The following CPEB3 variants were observed in gnomAD, a reference collection of about 807,000 sequenced individuals.
CPEB3 encodes cytoplasmic polyadenylation element-binding protein 3.
Under a neutral mutation model 67.2 loss-of-function variants are expected in CPEB3, and 20 were observed. The observed-to-expected ratio is 0.30, with a 90% confidence interval of 0.21 to 0.43. CPEB3 has a LOEUF of 0.43. Among genes scored for constraint, CPEB3 ranks in the 20% least tolerant of loss-of-function variants. The pLI is 1.00. For synonymous variants in CPEB3, 376 were observed against 393.1 expected (o/e 0.96, Z 0.51); for missense variants, 746 against 968.6 (o/e 0.77, Z 3.05).
intron 6 of CPEB3, among the ~76,000 whole-genome samples, chr10:92,135,259 T>C (rs1396856284): frequency 6.6e-6 from 1 of 152,222 alleles, no homozygotes; most frequent in African/African-American, 2.4e-5. Flanking sequence ...TTTTGCAATC[T>C]GTCCATCTGA....
intron 8 of CPEB3, among the ~76,000 whole-genome samples, chr10:92,084,940 A>G (rs1156250448): frequency 6.6e-6 from 1 of 152,180 alleles, no homozygotes; most frequent in South Asian, 2.1e-4. Flanking sequence ...GAAGTAAACA[A>G]TAGTCAAACA....
rs369153928 is a variant in CPEB3, at chr10:92,091,930, T to A, written c.1587A>T (p.Pro529=). 7.0e-5 allele frequency: 113 copies of A among 1,612,378 alleles called. No individual in the cohort carries two copies. The highest frequency in any genetic ancestry group is 3.3e-4 in the Middle Eastern group (2 of 6,080). ...TIKDKPVQIR[P]WNLSDSDFVM... The stretch of plus-strand genomic sequence containing the variant: ...CAAAGTCACTGTCACTTAGGTTCCA[T>A]GGTCGAATTTGCACCTGAAAAAAAG... The change falls in exon 8 of 10, where the codon CCA becomes CCT. Residue 529 remains proline (P), a synonymous_variant. Transcript: ENST00000265997.
rs529610235 is a variant in CPEB3 at position 92,239,442 on chromosome 10, C to T, written c.909G>A (p.Pro303=). Reference sequence around the variant, plus strand: ...GAGGGGCCGCGCGAGGGAACTTGGGCGGCGCGATCACGTTGCTGGAGAAGG... The same window carrying T: ...GAGGGGCCGCGCGAGGGAACTTGGGTGGCGCGATCACGTTGCTGGAGAAGG... The part of the protein sequence containing the change: ...KKPFSSNVIA[P]PKFPRAAPLT... Residue 303 remains proline (P), a synonymous_variant, in exon 2 of 10, where the codon CCG becomes CCA. Coordinates refer to ENST00000265997, the MANE Select transcript of CPEB3 (RefSeq NM_014912.5). The surrounding 1 kb of genome is among the most constrained non-coding windows in gnomAD (Gnocchi z 6.0). The T allele has an allele frequency of 3.0e-4, 474 of 1,600,694 alleles. 8 individuals are homozygous for T. In the South Asian group the frequency reaches 4.1e-3, roughly 14 times the overall value.
chr10:92,119,921 C>T (rs1385395509), intron 6 of CPEB3, among the ~76,000 whole-genome samples: 1 of 151,688 alleles, frequency 6.6e-6, no homozygotes, highest in Non-Finnish European at 1.5e-5. Context: ...AATCTAAGTG[C>T]AAGTTGTTGT....
chr10:92,089,164 T>TA (rs1368600207), intron 8 of CPEB3, among the ~76,000 whole-genome samples: 1 of 152,174 alleles, frequency 6.6e-6, no homozygotes, highest in Non-Finnish European at 1.5e-5. Flanking sequence ...TGAATTCCTT[T>TA]AAAAAACGTC....
intron 2 of CPEB3, among the ~76,000 whole-genome samples, chr10:92,237,451 T>C (rs185946060): frequency 2.1e-4 from 32 of 152,352 alleles, no homozygotes; most frequent in African/African-American, 7.7e-4. Context: ...GTGAATGGTT[T>C]GCTGTGTAAC....
intron 1 of CPEB3, among the ~76,000 whole-genome samples, chr10:92,258,677 T>C (rs1293006835): frequency 2.3e-5 from 3 of 129,446 alleles, no homozygotes; most frequent in Non-Finnish European, 4.8e-5. Context: ...TATATATATA[T>C]ATTTCATGTA....
At chr10:92,128,652 G>GA (rs1266971923) in intron 6 of CPEB3, among the ~76,000 whole-genome samples, 1 of 151,946 alleles carries the variant, frequency 6.6e-6, no homozygotes. Context: ...AAATTTATAA[G>GA]AAAAAAATAA....
chr10:92,123,124 A>C (rs375795832), intron 6 of CPEB3, among the ~76,000 whole-genome samples: 55 of 152,308 alleles, frequency 3.6e-4, no homozygotes, highest in African/African-American at 1.0e-3. Context: ...CAAAATTGGT[A>C]ATCTACTTCC....
intron 6 of CPEB3, among the ~76,000 whole-genome samples, chr10:92,142,700 A>C (rs1387334607): frequency 1.3e-5 from 2 of 152,216 alleles, no homozygotes; most frequent in Non-Finnish European, 2.9e-5. Context: ...ATCTGACCCT[A>C]AATAATCTTT....
rs138090400 is a variant in CPEB3, at chr10:92,240,000, G to A, written c.351C>T (p.Asn117=). The change falls in exon 2 of 10, where the codon AAC becomes AAT. Residue 117 remains asparagine (N), a synonymous_variant. Transcript: ENST00000265997. The surrounding 1 kb of genome is among the most constrained non-coding windows in gnomAD (Gnocchi z 6.0). ...CCTGGAAGAAGCTGTCCTCTACCGC[G>A]TTGGTGGTGCCCGTGGACCAGGTGC... ...FGSTWSTGTT[N]AVEDSFFQGI... The A allele has an allele frequency of 1.9e-6, 3 of 1,610,990 alleles. No homozygotes were observed. Among genetic ancestry groups the A allele is most frequent in the Admixed American group, 1.7e-5 (1 of 59,554 alleles).
chr10:92,117,762 G>T, intron 6 of CPEB3, among the ~76,000 whole-genome samples: 1 of 151,138 alleles, frequency 6.6e-6, no homozygotes, highest in African/African-American at 2.4e-5. Flanking sequence ...TTTAATATTT[G>T]ATACCTAGTA....
chr10:92,096,091 G>A (rs1843863990), intron 7 of CPEB3, among the ~76,000 whole-genome samples: 1 of 149,782 alleles, frequency 6.7e-6, no homozygotes, highest in South Asian at 2.1e-4. Flanking sequence ...TGGCCAGGCT[G>A]GTCTCAAACT....
intron 1 of CPEB3, among the ~76,000 whole-genome samples, chr10:92,278,787 G>C (rs769218942): frequency 5.9e-5 from 9 of 151,660 alleles, no homozygotes; most frequent in Admixed American, 2.6e-4. Context: ...TTTTAGTAGA[G>C]ACAGGATTTC....
chr10:92,214,267 C>T (rs1850234749), intron 2 of CPEB3, among the ~76,000 whole-genome samples: 2 of 152,098 alleles, frequency 1.3e-5, no homozygotes, highest in African/African-American at 2.4e-5. Flanking sequence ...CTTTCCATCC[C>T]TCTGTCATGT....
At chr10:92,093,765 G>A (rs1372375818) in intron 7 of CPEB3, among the ~76,000 whole-genome samples, 1 of 152,090 alleles carries the variant, frequency 6.6e-6, no homozygotes, top group East Asian at 1.9e-4. Flanking sequence ...GCCTCCCAAA[G>A]TGTTAGGATG....
chr10:92,257,695 G>A (rs1419454484), intron 1 of CPEB3, among the ~76,000 whole-genome samples: 1 of 149,872 alleles, frequency 6.7e-6, no homozygotes, highest in Non-Finnish European at 1.5e-5. Context: ...TCCGGTTCCT[G>A]ATAATGTAAT....
At chr10:92,212,372 T>C (rs1028460896) in intron 2 of CPEB3, among the ~76,000 whole-genome samples, 5 of 152,022 alleles carry the variant, frequency 3.3e-5, no homozygotes, top group African/African-American at 1.2e-4. Flanking sequence ...TGCCTCAGCC[T>C]CCCAAGTAGC....
chr10:92,195,646 A>T (rs1849206067), intron 2 of CPEB3, among the ~76,000 whole-genome samples: 1 of 152,218 alleles, frequency 6.6e-6, no homozygotes, highest in Non-Finnish European at 1.5e-5. Flanking sequence ...AAGACATGAG[A>T]GTGTTTCAGA....
Sources: allele counts gnomAD v4.1 joint callset (sites outside exome capture counted in the v4.1 genomes callset), GRCh38; gene constraint gnomAD v4.1.1; non-coding constraint Gnocchi (gnomAD v3.1); transcripts MANE v1.5; gene names NCBI Gene and HGNC (gene_info 2026-07-23, HGNC 2026-07-21).